Variants in ANTXR2 observed in about 807,000 individuals in gnomAD.
ANTXR2 encodes ANTXR cell adhesion molecule 2, also known as anthrax toxin receptor 2.
A neutral mutation model predicts 73.7 loss-of-function variants in ANTXR2; 44 were observed. The ratio of observed to expected loss-of-function variants is 0.60; its 90% confidence interval spans 0.47 to 0.77. ANTXR2 has a LOEUF of 0.77. Among genes scored for constraint, ANTXR2 ranks in the 30% least tolerant of loss-of-function variants. The probability of loss-of-function intolerance (pLI) is 0.00; values close to 1 mark genes in which losing one functional copy is unlikely to be tolerated. For synonymous variants in ANTXR2, 217 were observed against 205.9 expected (o/e 1.05, Z -0.46); for missense variants, 604 against 592.5 (o/e 1.02, Z -0.20).
At chr4:79,944,021 G>A (rs1728422662) in intron 16 of ANTXR2, among the ~76,000 whole-genome samples, 1 of 139,130 alleles carries the variant, frequency 7.2e-6, no homozygotes, top group Non-Finnish European at 1.5e-5. Context: ...TGAAGGCAGA[G>A]TGTCATTCAT....
chr4:79,945,368 A>G (rs1415040183), intron 16 of ANTXR2, among the ~76,000 whole-genome samples: 1 of 152,110 alleles, frequency 6.6e-6, no homozygotes, highest in Non-Finnish European at 1.5e-5. Flanking sequence ...TGCAACCATC[A>G]TTCATCTTAC....
intron 16 of ANTXR2, among the ~76,000 whole-genome samples, chr4:79,914,713 T>C (rs1347835843): frequency 5.3e-5 from 8 of 152,178 alleles, no homozygotes; most frequent in African/African-American, 1.9e-4. Flanking sequence ...ACTTGAAGTT[T>C]ATACATGCAA....
At chr4:79,934,859 G>T (rs554663947) in intron 16 of ANTXR2, among the ~76,000 whole-genome samples, 1 of 150,388 alleles carries the variant, frequency 6.6e-6, no homozygotes, top group South Asian at 2.1e-4. Context: ...AAAAAAAACT[G>T]TCTACTCAGC....
At position 79,907,315 on chromosome 4, in the gene ANTXR2, T is replaced by C; in HGVS notation, c.*114A>G. ...GAAAACATTTCCCGACTGAGAGGAA[T>C]TAAGCTGCTCTTCCAAAAGCTTCTG... On this transcript the variant is annotated 3_prime_UTR_variant, in exon 17 of 17. Transcript: ENST00000403729. The C allele has an allele frequency of 8.7e-7, 1 of 1,143,992 alleles. No individual in the cohort carries two copies. Among genetic ancestry groups the C allele is most frequent in the Non-Finnish European group, 1.3e-6 (1 of 770,890 alleles). 70.9% of individuals were successfully genotyped at this position (1,143,992 alleles called of 1,614,324 possible). A position where few individuals can be genotyped will look rare whatever the true frequency, so the allele number is the denominator to read the frequency against.
rs563982098 is a variant in ANTXR2 at position 80,069,654 on chromosome 4, G to A, written c.225-147C>T. On this transcript the variant is annotated intron_variant, in intron 2 of 16. Coordinates refer to ENST00000403729, the MANE Select transcript of ANTXR2 (RefSeq NM_058172.6). ...AATGACATTCCCTAAGTAAATAGAC[G>A]AACTCTGCTTAACATTGTTGCATAA... 85 of 636,712 alleles carry A rather than the reference G, an allele frequency of 1.3e-4. No individual in the cohort carries two copies. The East Asian group carries it at 1.7e-3, about 13-fold the overall frequency. The allele number at this position is 636,712 out of a possible 1,614,324, so 39.4% of individuals were successfully genotyped here. A position where few individuals can be genotyped will look rare whatever the true frequency, so the allele number is the denominator to read the frequency against.
chr4:79,973,718 C>G (rs1233116562), intron 16 of ANTXR2, among the ~76,000 whole-genome samples: 1 of 152,126 alleles, frequency 6.6e-6, no homozygotes, highest in Non-Finnish European at 1.5e-5. Context: ...TGTGAGCCAC[C>G]ACACCTGGCC....
intron 9 of ANTXR2, 57 bp from the exon 10 acceptor site, chr4:80,031,749 C>A: frequency 9.6e-7 from 1 of 1,037,954 alleles, no homozygotes; most frequent in Non-Finnish European, 1.3e-6. Flanking sequence ...CACACAGTTT[C>A]ATTAATAATA....
chr4:79,909,833 G>T (rs1727055333), intron 16 of ANTXR2, among the ~76,000 whole-genome samples: 1 of 152,128 alleles, frequency 6.6e-6, no homozygotes, highest in Non-Finnish European at 1.5e-5. Context: ...AAAAGGAGGT[G>T]ACTTCGGGAA....
intron 11 of ANTXR2, among the ~76,000 whole-genome samples, chr4:80,013,365 T>A (rs1731690215): frequency 6.6e-6 from 1 of 152,230 alleles, no homozygotes. Flanking sequence ...CTGCCGTCAA[T>A]GTCTCAAGGC....
intron 7 of ANTXR2, among the ~76,000 whole-genome samples, chr4:80,043,560 T>C (rs1373315468): frequency 1.3e-5 from 2 of 152,066 alleles, no homozygotes; most frequent in Non-Finnish European, 2.9e-5. Context: ...AAAATTTTGA[T>C]GCATTATTTA....
At chr4:79,917,212 A>G (rs1727387661) in intron 16 of ANTXR2, among the ~76,000 whole-genome samples, 1 of 152,114 alleles carries the variant, frequency 6.6e-6, no homozygotes, top group Non-Finnish European at 1.5e-5. Flanking sequence ...AGGCTGGGAG[A>G]AAGGCAAGAG....
chr4:80,068,594 C>T (rs1482002992), intron 3 of ANTXR2, among the ~76,000 whole-genome samples: 1 of 151,790 alleles, frequency 6.6e-6, no homozygotes, highest in Admixed American at 6.6e-5. Flanking sequence ...TACAGTGAAA[C>T]CCCCGTCTCT....
chr4:80,071,739 A>C, intron 1 of ANTXR2, 85 bp from the exon 2 acceptor site: 2 of 1,115,792 alleles, frequency 1.8e-6, no homozygotes, highest in Non-Finnish European at 2.7e-6. Flanking sequence ...CTTCAATGCC[A>C]CGAACATAGG....
At chr4:80,063,559 T>C (rs897651039) in intron 3 of ANTXR2, among the ~76,000 whole-genome samples, 3 of 152,128 alleles carry the variant, frequency 2.0e-5, no homozygotes, top group African/African-American at 7.2e-5. Flanking sequence ...TTGTTAACAA[T>C]TTGTTGTATG....
intron 11 of ANTXR2, among the ~76,000 whole-genome samples, chr4:80,010,974 C>G (rs1731544432): frequency 6.6e-6 from 1 of 151,704 alleles, no homozygotes; most frequent in Admixed American, 6.6e-5. Flanking sequence ...GGTGAAACCC[C>G]ATCTCTACTA....
At chr4:79,976,632 A>G (rs1729648415) in intron 16 of ANTXR2, among the ~76,000 whole-genome samples, 1 of 152,236 alleles carries the variant, frequency 6.6e-6, no homozygotes, top group Non-Finnish European at 1.5e-5. Flanking sequence ...TCTGAGCACG[A>G]TGCCTATAGG....
At chr4:79,976,328 G>A (rs1253179299) in intron 16 of ANTXR2, among the ~76,000 whole-genome samples, 1 of 152,200 alleles carries the variant, frequency 6.6e-6, no homozygotes, top group Admixed American at 6.5e-5. Context: ...TAATGAGGTA[G>A]GAGGCAGTAC....
chr4:79,913,901 T>A lies in ANTXR2; in HGVS notation c.1429-6434A>T, dbSNP rs572906230. 2.6e-5 allele frequency among the ~76,000 whole-genome samples: 4 copies of A among 152,268 alleles called. No individual in the cohort carries two copies. The East Asian group carries it at 5.8e-4, about 22-fold the overall frequency. ...TTAAAATTGCAATTCAGTATAAGATTTTGTCTGTGCTAAAAATGTAGTTTG... is the reference window on the plus strand; with the variant it reads ...TTAAAATTGCAATTCAGTATAAGATATTGTCTGTGCTAAAAATGTAGTTTG... On this transcript the variant is annotated intron_variant, in intron 16 of 16. Coordinates refer to ENST00000403729, the MANE Select transcript of ANTXR2 (RefSeq NM_058172.6).
In ANTXR2 at chr4:79,978,068, C is replaced by A; in HGVS notation, c.1286G>T (p.Arg429Ile). 6.2e-7 allele frequency: 1 copy of A among 1,613,770 alleles called. No homozygotes were observed. ...PEETEEPIRPRPPRPKPTHQP... is the reference protein window; with the variant it reads ...PEETEEPIRPIPPRPKPTHQP... ...GTGTGTGGGTTTGGGTCGAGGTGGTCTAGGCCTGATGGGTTCCTCTGTTTC... is the reference window on the plus strand; with the variant it reads ...GTGTGTGGGTTTGGGTCGAGGTGGTATAGGCCTGATGGGTTCCTCTGTTTC... The change falls in exon 15 of 17, where the codon AGA becomes ATA. Residue 429 changes from arginine to isoleucine, a missense_variant. Transcript: ENST00000403729.
Sources: allele counts gnomAD v4.1 joint callset (sites outside exome capture counted in the v4.1 genomes callset), GRCh38; gene constraint gnomAD v4.1.1; transcripts MANE v1.5; gene names NCBI Gene and HGNC (gene_info 2026-07-23, HGNC 2026-07-21).